Variants in FAM83A observed in about 807,000 individuals in gnomAD.
FAM83A encodes the protein protein FAM83A.
A neutral mutation model predicts 24.4 loss-of-function variants in FAM83A; 21 were observed. The observed-to-expected ratio is 0.86, with a 90% confidence interval of 0.61 to 1.24. FAM83A has a LOEUF of 1.24. FAM83A is among the 50% of genes most tolerant of loss of function. FAM83A has a pLI of 0.00. For missense variants in FAM83A, 617 were observed against 579.8 expected (o/e 1.06, Z -0.66); for synonymous variants, 270 against 252.4 (o/e 1.07, Z -0.66).
chr8:123,180,975 G>T (rs529601645), upstream of FAM83A, among the ~76,000 whole-genome samples: 8 of 151,500 alleles, frequency 5.3e-5, no homozygotes, highest in Non-Finnish European at 8.8e-5. Flanking sequence ...ACAGAGTTTC[G>T]CTCTGTTGCC....
intron 2 of FAM83A, 83 bp downstream of exon 2, chr8:123,192,053 T>A (rs2131076091): frequency 2.7e-6 from 4 of 1,481,372 alleles, no homozygotes; most frequent in Non-Finnish European, 3.7e-6. Flanking sequence ...ATGTCCCTCA[T>A]CTTGTGTTAA....
intron 1 of FAM83A, 82 bp from the exon 2 acceptor site, chr8:123,191,721 C>A (rs550343278): frequency 6.7e-7 from 1 of 1,488,154 alleles, no homozygotes; most frequent in African/African-American, 1.4e-5. Flanking sequence ...CCCAGGCCCA[C>A]TGGGACTCAG....
intron 1 of FAM83A, among the ~76,000 whole-genome samples, chr8:123,190,157 T>C (rs1332163919): frequency 6.7e-6 from 1 of 148,162 alleles, no homozygotes; most frequent in Non-Finnish European, 1.5e-5. Context: ...TGAAACCCCA[T>C]GTCTACAGAA....
At chr8:123,208,944 A>G (rs1384813793) in exon 4 of FAM83A, 12 of 985,806 alleles carry the variant, frequency 1.2e-5, no homozygotes, top group Non-Finnish European at 1.1e-5. Flanking sequence ...AGCATGGGCA[A>G]CAAAGCAAGA....
chr8:123,191,484 GTTC>G (rs1273248502), intron 1 of FAM83A, among the ~76,000 whole-genome samples: 1 of 152,112 alleles, frequency 6.6e-6, no homozygotes, highest in African/African-American at 2.4e-5. Context: ...GCTTCTTCTT[GTTC>G]TTCTCTGCTC....
chr8:123,183,906 G>A (rs1823708503), intron 1 of FAM83A, among the ~76,000 whole-genome samples: 1 of 151,924 alleles, frequency 6.6e-6, no homozygotes, highest in Admixed American at 6.6e-5. Flanking sequence ...ATGTTGGCCA[G>A]GCTGGTTTTG....
chr8:123,194,088 G>A, exon 3 of FAM83A: 5 of 1,614,166 alleles, frequency 3.1e-6, no homozygotes, highest in Non-Finnish European at 4.2e-6. Flanking sequence ...AAATTCGCTG[G>A]CCAAATCCGG....
intron 3 of FAM83A, among the ~76,000 whole-genome samples, chr8:123,206,138 C>CAAA (rs57788150): frequency 0.011 from 1,251 of 110,968 alleles, 11 homozygotes; most frequent in Middle Eastern, 0.026. Flanking sequence ...GTAAGACTCT[C>CAAA]AAAAAAAAAA....
intron 1 of FAM83A, among the ~76,000 whole-genome samples, chr8:123,183,604 G>A (rs1014376079): frequency 3.3e-5 from 5 of 151,158 alleles, no homozygotes; most frequent in Non-Finnish European, 5.9e-5. Context: ...GATCCCCAGC[G>A]TCACAGTCTC....
In FAM83A at chr8:123,193,182, G is replaced by A. The variant is rs534579633; in HGVS notation, c.649-842G>A. On this transcript the variant is annotated intron_variant, in intron 2 of 3. Transcript: ENST00000690554. The stretch of plus-strand genomic sequence containing the variant: ...GAAGACAAGGGATAAATAGAGCCAT[G>A]GTAGGGTTGCAGACTCACCTTTGCT... 9.8e-5 allele frequency among the ~76,000 whole-genome samples: 15 copies of A among 152,300 alleles called. No individual in the cohort carries two copies. In the South Asian group the frequency reaches 1.4e-3, roughly 15 times the overall value.
intron 1 of FAM83A, among the ~76,000 whole-genome samples, chr8:123,186,562 G>A (rs1322816040): frequency 6.6e-6 from 1 of 152,096 alleles, no homozygotes; most frequent in Non-Finnish European, 1.5e-5. Flanking sequence ...GGGCACGGTG[G>A]CTCTCACCTG....
rs1824580771 is a variant in FAM83A at position 123,207,177 on chromosome 8, A to G, written c.794A>G (p.His265Arg). 1 of 1,591,692 alleles carries G rather than the reference A, an allele frequency of 6.3e-7. No homozygotes were observed. The highest frequency in any genetic ancestry group is 8.6e-7 in the Non-Finnish European group (1 of 1,168,848). The change falls in exon 4 of 4, where the codon CAC becomes CGC. Residue 265 changes from histidine to arginine, a missense_variant. His to Arg is a conservative substitution (Grantham distance 29, BLOSUM62 0). Coordinates refer to ENST00000690554, the Ensembl canonical transcript of FAM83A. ...TCCAGCTTCACCTGGCTCTGCGGACACGTGCACCGGAACATCCTCTCCAAG... is the reference window on the plus strand; with the variant it reads ...TCCAGCTTCACCTGGCTCTGCGGACGCGTGCACCGGAACATCCTCTCCAAG...
exon 2 of FAM83A, chr8:123,191,870 A>G (rs2131075414): frequency 6.2e-7 from 1 of 1,614,162 alleles, no homozygotes; most frequent in East Asian, 2.2e-5. Context: ...GAGGCAGCCA[A>G]CAAGCGTGGG....
chr8:123,200,327 T>G (rs2131094226), intron 3 of FAM83A, among the ~76,000 whole-genome samples: 1 of 152,236 alleles, frequency 6.6e-6, no homozygotes, highest in Middle Eastern at 3.4e-3. Flanking sequence ...AGCTAAAATT[T>G]TTGAAGTAGA....
chr8:123,193,957 G>T (rs1053570879), intron 2 of FAM83A, 67 bp from the exon 3 acceptor site: 15 of 1,593,174 alleles, frequency 9.4e-6, no homozygotes, highest in Middle Eastern at 1.8e-4. Flanking sequence ...TAAACATCCA[G>T]CCTAAAGCCC....
At chr8:123,191,591 A>T (rs947642750) in intron 1 of FAM83A, among the ~76,000 whole-genome samples, 2 of 152,024 alleles carry the variant, frequency 1.3e-5, no homozygotes, top group Admixed American at 6.6e-5. Context: ...GACTGGAGAG[A>T]TGGTATCAGG....
intron 3 of FAM83A, among the ~76,000 whole-genome samples, chr8:123,204,277 A>C (rs1340357245): frequency 6.6e-6 from 1 of 152,024 alleles, no homozygotes; most frequent in East Asian, 1.9e-4. Context: ...TAAGAGAAAA[A>C]ATTTTTAAAA....
chr8:123,193,654 A>T (rs1408843954), intron 2 of FAM83A, among the ~76,000 whole-genome samples: 1 of 152,236 alleles, frequency 6.6e-6, no homozygotes, highest in East Asian at 1.9e-4. Flanking sequence ...CTGGTGGTTC[A>T]TAACAACAGA....
chr8:123,186,325 G>A (rs1229285377), intron 1 of FAM83A, among the ~76,000 whole-genome samples: 1 of 152,178 alleles, frequency 6.6e-6, no homozygotes, highest in Non-Finnish European at 1.5e-5. Context: ...TGGGGAGCTG[G>A]AGCCTCAGCC....
Sources: allele counts gnomAD v4.1 joint callset (sites outside exome capture counted in the v4.1 genomes callset), GRCh38; gene constraint gnomAD v4.1.1; transcripts MANE v1.5; gene names NCBI Gene and HGNC (gene_info 2026-07-23, HGNC 2026-07-21).